Variants in NOTCH1 observed in about 807,000 individuals in gnomAD.
NOTCH1 encodes the protein notch receptor 1.
A neutral mutation model predicts 254.8 loss-of-function variants in NOTCH1; 37 were observed. The observed-to-expected ratio is 0.15, with a 90% CI of 0.11 to 0.19. NOTCH1 has a LOEUF of 0.19. Among genes scored for constraint, NOTCH1 ranks in the 10% least tolerant of loss-of-function variants. The pLI is 1.00. For synonymous variants in NOTCH1, 1,731 were observed against 1,618.1 expected (o/e 1.07, Z -1.68); for missense variants, 2,972 against 3,708.6 (o/e 0.80, Z 5.16).
Position 136,507,419 on chromosome 9 carries a change from C to T in NOTCH1, c.3529G>A (p.Gly1177Arg), listed in dbSNP as rs754086177. The T allele has an allele frequency of 3.7e-6, 6 of 1,608,816 alleles. No homozygotes were observed. Among genetic ancestry groups the T allele is most frequent in the Non-Finnish European group, 5.1e-6 (6 of 1,178,414 alleles). The change falls in exon 22 of 34, where the codon GGG (glycine) becomes AGG (arginine). Residue 1177 changes from glycine (G) to arginine (R), a missense_variant. By Grantham distance (125) the Gly-to-Arg change is moderately radical (BLOSUM62 -2). Transcript: ENST00000651671. ...TCGATCTCCTCAGAGCAGTTCACCC[C>T]GTGGTAGCCGGCCACGCACTGTGCA... ...YSCKCVAGYH[G>R]VNCSEEIDEC...
rs757258069 is a variant in NOTCH1, at chr9:136,545,812, C to T, written c.-26G>A. The T allele has an allele frequency of 3.8e-5, 47 of 1,241,804 alleles. No homozygotes were observed. Among genetic ancestry groups the T allele is most frequent in the Middle Eastern group, 6.2e-4 (2 of 3,210 alleles). 76.9% of individuals were successfully genotyped at this position (1,241,804 alleles called of 1,614,324 possible). On this transcript the variant is annotated 5_prime_UTR_variant, in exon 1 of 34. Transcript: ENST00000651671. The surrounding 1 kb of genome is among the most constrained non-coding windows in gnomAD (Gnocchi z 6.8). ...GCCTCCCCACCGGCTGCCCTCTGCG[C>T]CCGGGCGGCGGCCTCCTGCGCTGGC...
intron 31 of NOTCH1, 73 bp from the exon 32 acceptor site, chr9:136,499,332 C>G (rs2133323553): frequency 2.5e-6 from 4 of 1,573,266 alleles, no homozygotes; most frequent in Non-Finnish European, 3.4e-6. Context: ...GAACGAACGC[C>G]TGGACGGGAA....
intron 2 of NOTCH1, among the ~76,000 whole-genome samples, chr9:136,538,581 A>G (rs1843688533): frequency 6.6e-6 from 1 of 152,236 alleles, no homozygotes; most frequent in African/African-American, 2.4e-5. Context: ...TGATGCCCCA[A>G]AGCCAGCCGC....
Position 136,504,715 on chromosome 9 carries a change from C to G in NOTCH1, c.4976G>C (p.Gly1659Ala), listed in dbSNP as rs2133335815. 6.5e-7 allele frequency: 1 copy of G among 1,540,030 alleles called. No homozygotes were observed. Among genetic ancestry groups the G allele is most frequent in the Non-Finnish European group, 8.8e-7 (1 of 1,141,480 alleles). Residue 1659 changes from glycine (G) to alanine (A), a missense_variant, in exon 26 of 34, where the codon GGT becomes GCT. Transcript: ENST00000651671. The stretch of plus-strand genomic sequence containing the variant: ...GTCCAGCTCCCTCCGCCGCCGCCCA[C>G]CCTCGCTGCCACCAGGGAGCAGCGA... ...KASLLPGGSE[G>A]GRRRRELDPM...
intron 2 of NOTCH1, among the ~76,000 whole-genome samples, chr9:136,542,140 C>T (rs1174653763): frequency 6.6e-6 from 1 of 152,190 alleles, no homozygotes; most frequent in East Asian, 1.9e-4. Flanking sequence ...ATCTGTACCC[C>T]AAAGCACAGC....
At chr9:136,539,704 A>C (rs1025167389) in intron 2 of NOTCH1, among the ~76,000 whole-genome samples, 1 of 152,218 alleles carries the variant, frequency 6.6e-6, no homozygotes, top group African/African-American at 2.4e-5. Flanking sequence ...CAGGTTCTGC[A>C]TAAACAGGAG....
chr9:136,542,312 C>A (rs938727184), intron 2 of NOTCH1, among the ~76,000 whole-genome samples: 2 of 152,124 alleles, frequency 1.3e-5, no homozygotes, highest in South Asian at 4.1e-4. Flanking sequence ...CTCCCAGAGC[C>A]CCGAATGGGT....
intron 15 of NOTCH1, among the ~76,000 whole-genome samples, chr9:136,512,317 G>C (rs1380568999): frequency 1.3e-5 from 2 of 152,166 alleles, no homozygotes; most frequent in African/African-American, 4.8e-5. Context: ...CTCCAGCCCG[G>C]CTGCCTGGCC....
At position 136,496,635 on chromosome 9, in the gene NOTCH1, C is replaced by T. The variant is rs779525805; in HGVS notation, c.7104G>A (p.Leu2368=). The stretch of plus-strand genomic sequence containing the variant: ...GCTGGGTGGCCAGCCGGGTGCTGGG[C>T]AGGCCCTGGTAGCTCATCATCTGGG... ...ALSQMMSYQG[L]PSTRLATQPH... is the part of the protein sequence containing the mutation. The change falls in exon 34 of 34, where the codon CTG becomes CTA. Residue 2368 remains leucine (L), a synonymous_variant. Transcript: ENST00000651671. 6 of 1,613,098 alleles carry T rather than the reference C, an allele frequency of 3.7e-6. No homozygotes were observed. Among genetic ancestry groups the T allele is most frequent in the Admixed American group, 1.7e-5 (1 of 60,034 alleles).
Position 136,496,479 on chromosome 9 carries a change from G to A in NOTCH1, c.7260C>T (p.Gly2420=), listed in dbSNP as rs1032110986. Residue 2420 remains glycine, a synonymous_variant, in exon 34 of 34, where the codon GGC becomes GGT. Transcript: ENST00000651671. ...PPPPPPQPHL[G]VSSAASGHLG... ...GGTGGCCGCTGGCTGCTGAGCTCAC[G>A]CCAAGGTGCGGCTGTGGTGGTGGTG... 1.7e-5 allele frequency: 28 copies of A among 1,601,282 alleles called. No homozygotes were observed. The highest frequency in any genetic ancestry group is 1.1e-4 in the East Asian group (5 of 44,884).
In NOTCH1 at chr9:136,508,507, A is replaced by G. The variant is rs3812604; in HGVS notation, c.3172-122T>C. The G allele has an allele frequency of 0.47, 669,663 of 1,428,608 alleles. 166,328 individuals are homozygous for G. The highest frequency in any genetic ancestry group is 0.85 in the East Asian group (36,915 of 43,680). The allele number at this position is 1,428,608 out of a possible 1,614,324, so 88.5% of individuals were successfully genotyped here. ...CTGCAACCCATTCTACAGAAGTGGA[A>G]ACTGCCGCCCCTGGACTCCCCACCA... On this transcript the variant is annotated intron_variant, in intron 19 of 33. Transcript: ENST00000651671.
chr9:136,531,328 G>C (rs569343314), intron 2 of NOTCH1, among the ~76,000 whole-genome samples: 6 of 152,360 alleles, frequency 3.9e-5, no homozygotes, highest in African/African-American at 1.4e-4. Flanking sequence ...TCTGAAGGCA[G>C]CTCAGAACCA....
At chr9:136,505,252 A>G (rs2133338283) in intron 25 of NOTCH1, 58 bp downstream of exon 25, 1 of 1,539,442 alleles carries the variant, frequency 6.5e-7, no homozygotes, top group Non-Finnish European at 8.8e-7. Flanking sequence ...TCCGGGCCCA[A>G]GCCAGGCCAC....
At position 136,507,029 on chromosome 9, in the gene NOTCH1, GC is replaced by G; in HGVS notation, c.3644-57del. The stretch of plus-strand genomic sequence containing the variant: ...GCCCGCCACACCCCGGCCCTGCCGT[GC>G]CGCGTGTCCGTCCCGGAAGACGAGC... On this transcript the variant is annotated intron_variant, in intron 22 of 33. Transcript: ENST00000651671. The G allele has an allele frequency of 5.1e-6, 8 of 1,578,840 alleles. No homozygotes were observed. In the South Asian group the frequency reaches 9.2e-5, roughly 18 times the overall value.
intron 2 of NOTCH1, among the ~76,000 whole-genome samples, chr9:136,524,639 C>CTTTTTTTTTT (rs869128901): frequency 5.5e-4 from 30 of 54,376 alleles, no homozygotes; most frequent in Admixed American, 9.4e-4. Context: ...TTTTTCTTTT[C>CTTTTTTTTTT]TTTTTTTTTT....
At position 136,495,619 on chromosome 9, in the gene NOTCH1, G is replaced by A; in HGVS notation, c.*452C>T. On this transcript the variant is annotated 3_prime_UTR_variant, in exon 34 of 34. Transcript: ENST00000651671. ...TGGGGTTGGGTGGGCGTCGGGGAAA[G>A]GGCGCGGCCTGGACGCCCCAGGAGC... 1 of 400,540 alleles carries A rather than the reference G, an allele frequency of 2.5e-6. No individual in the cohort carries two copies. The highest frequency in any genetic ancestry group is 4.4e-6 in the Non-Finnish European group (1 of 227,276). 24.8% of individuals were successfully genotyped at this position (400,540 alleles called of 1,614,324 possible).
chr9:136,497,441 T>C lies in NOTCH1; in HGVS notation c.6298A>G (p.Ile2100Val), dbSNP rs543533126. ...TDHMDRLPRD[I>V]AQERMHHDIV... The stretch of plus-strand genomic sequence containing the variant: ...TCGTGATGCATGCGCTCCTGTGCGA[T>C]GTCGCGCGGCAGGCGGTCCATATGA... Residue 2100 changes from isoleucine to valine, a missense_variant, in exon 34 of 34, where the codon ATC (isoleucine) becomes GTC (valine). By Grantham distance (29) the Ile-to-Val change is conservative. Coordinates refer to ENST00000651671, the MANE Select transcript of NOTCH1 (RefSeq NM_017617.5). 65 of 1,612,210 alleles carry C rather than the reference T, an allele frequency of 4.0e-5. No homozygotes were observed. The highest frequency in any genetic ancestry group is 8.3e-5 in the Admixed American group (5 of 60,000).
intron 16 of NOTCH1, 49 bp downstream of exon 16, chr9:136,511,103 A>G (rs768628453): frequency 6.2e-7 from 1 of 1,612,422 alleles, no homozygotes; most frequent in South Asian, 1.1e-5. Flanking sequence ...TGTCCCGCAG[A>G]CATCCTGACC....
rs758860870 is a variant in NOTCH1, at chr9:136,507,435, G to A, written c.3513C>T (p.Cys1171=). ...AGTTCACCCCGTGGTAGCCGGCCAC[G>A]CACTGTGCAGGCGACAGAACGAGGG... ...TDYLGGYSCK[C]VAGYHGVNCS... The change falls in exon 22 of 34, where the codon TGC becomes TGT. Residue 1171 remains cysteine (C), a splice_region_variant and synonymous_variant. Coordinates refer to ENST00000651671, the MANE Select transcript of NOTCH1 (RefSeq NM_017617.5). The A allele has an allele frequency of 4.3e-5, 69 of 1,603,952 alleles. No homozygotes were observed. Among genetic ancestry groups the A allele is most frequent in the Admixed American group, 1.4e-4 (8 of 58,136 alleles).
Sources: gnomAD v4.1 joint callset for allele counts (sites outside exome capture counted in the v4.1 genomes callset) on GRCh38, gnomAD v4.1.1 for gene constraint, Gnocchi (gnomAD v3.1) non-coding constraint, MANE v1.5 for transcripts, NCBI Gene and HGNC (gene_info 2026-07-23, HGNC 2026-07-21) for gene names.